The following AGBL1 variants were observed in gnomAD, a reference collection of about 807,000 sequenced individuals.
The protein encoded by AGBL1 is AGBL carboxypeptidase 1, also known as cytosolic carboxypeptidase 4.
A neutral mutation model predicts 118.9 loss-of-function variants in AGBL1; 130 were observed. The ratio of observed to expected loss-of-function variants is 1.09; its 90% CI spans 0.95 to 1.26. The LOEUF is 1.26. Among genes scored for constraint, AGBL1 ranks in the 50% most tolerant of loss-of-function variants. The pLI is 0.00. For missense variants in AGBL1, 1,584 were observed against 1,298.1 expected, an observed-to-expected ratio of 1.22 and a Z score of -3.38; for synonymous variants, 555 against 478.9, an observed-to-expected ratio of 1.16 and a Z score of -2.08.
chr15:87,028,048 G>GA (rs562952965), intron 24 of AGBL1, among the ~76,000 whole-genome samples: 4 of 131,670 alleles, frequency 3.0e-5, no homozygotes, highest in East Asian at 2.3e-4. Context: ...AAAAGTGGAA[G>GA]AAAAAAATAT....
chr15:86,102,690 C>A (rs919874807), intron 1 of AGBL1, among the ~76,000 whole-genome samples: 2 of 152,136 alleles, frequency 1.3e-5, no homozygotes, highest in African/African-American at 4.8e-5. Flanking sequence ...TGACTAGACA[C>A]TTTTCTCTTG....
chr15:86,829,290 T>C (rs1239952370), intron 22 of AGBL1, among the ~76,000 whole-genome samples: 3 of 152,124 alleles, frequency 2.0e-5, no homozygotes, highest in African/African-American at 7.2e-5. Context: ...ATGCCACATA[T>C]GAGAATACTG....
At position 86,431,223 on chromosome 15, in the gene AGBL1, TTC is replaced by T. The variant is rs576210041; in HGVS notation, c.2555+33681_2555+33682del. Among the ~76,000 whole-genome samples, 799 of 152,342 alleles carry T rather than the reference TTC, an allele frequency of 5.2e-3. 3 individuals carry two copies. The highest frequency in any genetic ancestry group is 8.3e-3 in the Admixed American group (127 of 15,308). On this transcript the variant is annotated intron_variant, in intron 18 of 22. Coordinates refer to ENST00000614907, the MANE Select transcript of AGBL1 (RefSeq NM_001386094.1). ...TAGTGCCTGACTTGGCATCTGGGGA[TTC>T]TCTGTTTCTTTCAGTGTCAGTTTCA...
At chr15:86,944,442 A>G (rs1317236916) in intron 23 of AGBL1, among the ~76,000 whole-genome samples, 2 of 152,176 alleles carry the variant, frequency 1.3e-5, no homozygotes, top group African/African-American at 4.8e-5. Flanking sequence ...ATGTGCAGGG[A>G]AAGCATGGCA....
chr15:86,271,845 G>T (rs191325642), intron 15 of AGBL1, 139 bp downstream of exon 15: 1 of 766,120 alleles, frequency 1.3e-6, no homozygotes, highest in Non-Finnish European at 2.2e-6. Flanking sequence ...CTAATGGCCA[G>T]TGTCCGGCCC....
chr15:86,670,850 T>A (rs1288595203), intron 21 of AGBL1, among the ~76,000 whole-genome samples: 1 of 152,056 alleles, frequency 6.6e-6, no homozygotes, highest in Non-Finnish European at 1.5e-5. Flanking sequence ...TTGGACCTGA[T>A]GTTTGTCTTA....
At chr15:86,677,403 C>T (rs1315525181) in intron 22 of AGBL1, among the ~76,000 whole-genome samples, 3 of 152,142 alleles carry the variant, frequency 2.0e-5, no homozygotes, top group South Asian at 4.1e-4. Flanking sequence ...CTCTCCTCTT[C>T]CTTTCTCCTT....
At chr15:86,327,937 A>G (rs1363143759) in intron 17 of AGBL1, among the ~76,000 whole-genome samples, 1 of 152,182 alleles carries the variant, frequency 6.6e-6, no homozygotes, top group African/African-American at 2.4e-5. Flanking sequence ...AGGAAAGAAG[A>G]AGAATATGGT....
chr15:86,876,573 T>C (rs1350654815), intron 22 of AGBL1, among the ~76,000 whole-genome samples: 1 of 152,170 alleles, frequency 6.6e-6, no homozygotes. Context: ...CCAGCCTGAT[T>C]ATGGTTTTCT....
At chr15:86,725,334 C>G (rs1465902905) in intron 22 of AGBL1, among the ~76,000 whole-genome samples, 2 of 152,056 alleles carry the variant, frequency 1.3e-5, no homozygotes, top group African/African-American at 2.4e-5. Context: ...AGAAAATGAT[C>G]AAGTAATGCT....
Position 86,213,956 on chromosome 15 carries a change from C to T in AGBL1, c.489-10958C>T, listed in dbSNP as rs2078144065. On this transcript the variant is annotated intron_variant, in intron 5 of 22. Transcript: ENST00000614907. ...TCAACCCCTGGTAACCACTGATCTACTTTCTGTCTCTATTTCTCATCATTT... is the reference window on the plus strand; with the variant it reads ...TCAACCCCTGGTAACCACTGATCTATTTTCTGTCTCTATTTCTCATCATTT... 3.3e-5 allele frequency among the ~76,000 whole-genome samples: 5 copies of T among 152,220 alleles called. No individual in the cohort carries two copies. The South Asian group carries it at 1.0e-3, about 32-fold the overall frequency.
At chr15:86,635,323 C>CTCCTACTCCTCT in intron 21 of AGBL1, among the ~76,000 whole-genome samples, 1 of 111,180 alleles carries the variant, frequency 9.0e-6, no homozygotes, top group African/African-American at 4.0e-5. Context: ...CCTCCTCCTC[C>CTCCTACTCCTCT]TCCTCCTCCT....
chr15:86,279,015 G>A lies in AGBL1; in HGVS notation c.2076-624G>A, dbSNP rs144312551. On this transcript the variant is annotated intron_variant, in intron 15 of 22. Transcript: ENST00000614907. ...AGAACAAAGCCTTTGCAGCCAGAGA[G>A]ATCTGGGTCTCAGTCTTGTATCTAC... Among the ~76,000 whole-genome samples the A allele has an allele frequency of 2.9e-3, 435 of 152,374 alleles. 11 individuals carry two copies. In the East Asian group the frequency reaches 0.069, roughly 24 times the overall value.
At chr15:86,156,412 AC>A (rs1238584781) in intron 4 of AGBL1, among the ~76,000 whole-genome samples, 1 of 152,164 alleles carries the variant, frequency 6.6e-6, no homozygotes, top group African/African-American at 2.4e-5. Context: ...ACATAAGTCC[AC>A]ATTAGACTAG....
intron 18 of AGBL1, among the ~76,000 whole-genome samples, chr15:86,504,944 C>A (rs1256202104): frequency 6.6e-6 from 1 of 151,620 alleles, no homozygotes; most frequent in African/African-American, 2.4e-5. Flanking sequence ...TCTTGTACAG[C>A]AGATTTCATA....
At chr15:86,185,560 G>A (rs12594207) in intron 5 of AGBL1, among the ~76,000 whole-genome samples, 63,938 of 151,954 alleles carry the variant, frequency 0.42, 15,920 homozygotes, top group Non-Finnish European at 0.57. Context: ...TATATACCAC[G>A]GAATACTATG....
At chr15:86,243,013 A>G (rs1215819754) in intron 6 of AGBL1, among the ~76,000 whole-genome samples, 1 of 152,180 alleles carries the variant, frequency 6.6e-6, no homozygotes, top group Non-Finnish European at 1.5e-5. Flanking sequence ...CTTCTGAAGG[A>G]GCTGGGGTTA....
chr15:86,860,755 CAT>C (rs2079549199), intron 22 of AGBL1, among the ~76,000 whole-genome samples: 1 of 151,834 alleles, frequency 6.6e-6, no homozygotes, highest in Non-Finnish European at 1.5e-5. Flanking sequence ...TGAAGATACA[CAT>C]GTGTCTGGAT....
chr15:86,391,651 T>TG (rs2081288894), intron 17 of AGBL1, among the ~76,000 whole-genome samples: 1 of 143,148 alleles, frequency 7.0e-6, no homozygotes, highest in East Asian at 2.1e-4. Flanking sequence ...TTTTTTTTTT[T>TG]TTTTTTTTTT....
Sources: allele counts gnomAD v4.1 joint callset (sites outside exome capture counted in the v4.1 genomes callset), GRCh38; gene constraint gnomAD v4.1.1; transcripts MANE v1.5; gene names NCBI Gene and HGNC (gene_info 2026-07-23, HGNC 2026-07-21).